AOAH: variants seen among roughly 807,000 people sequenced by gnomAD.
The protein encoded by AOAH is acyloxyacyl hydrolase (neutrophil).
A neutral mutation model predicts 92.2 loss-of-function variants in AOAH; 64 were observed. The ratio of observed to expected loss-of-function variants is 0.69; its 90% CI spans 0.57 to 0.86. The LOEUF is 0.86. Among genes scored for constraint, AOAH ranks in the 40% least tolerant of loss-of-function variants. AOAH has a pLI of 0.00. For synonymous variants in AOAH, 263 were observed against 254.5 expected (o/e 1.03, Z -0.32); for missense variants, 656 against 694.6 (o/e 0.94, Z 0.62).
intron 11 of AOAH, among the ~76,000 whole-genome samples, chr7:36,615,753 A>G (rs994385899): frequency 1.3e-5 from 2 of 152,250 alleles, no homozygotes; most frequent in Non-Finnish European, 2.9e-5. Flanking sequence ...GGTGTCATTC[A>G]TCTGAGTAAT....
intron 2 of AOAH, among the ~76,000 whole-genome samples, chr7:36,675,398 TA>T (rs1433255895): frequency 7.9e-5 from 12 of 152,170 alleles, no homozygotes; most frequent in Non-Finnish European, 1.5e-4. Context: ...GTAACTTAGA[TA>T]AAATAAAAAA....
chr7:36,554,318 G>A (rs1786516972), intron 13 of AOAH, among the ~76,000 whole-genome samples: 1 of 152,058 alleles, frequency 6.6e-6, no homozygotes. Context: ...ATTTCTGAAG[G>A]CTCTGTTCTG....
intron 2 of AOAH, among the ~76,000 whole-genome samples, chr7:36,676,780 A>G (rs149195436): frequency 1.5e-3 from 229 of 152,366 alleles, no homozygotes; most frequent in African/African-American, 5.4e-3. Context: ...AAATAGAATC[A>G]ATAGTTCAGA....
Position 36,558,684 on chromosome 7 carries a change from A to C in AOAH, c.1022-9209T>G, listed in dbSNP as rs374365377. ...CTAAGCAAGCCTGGGCAATGGCGGG[A>C]GCCCCTCCCCCAGCCTCGCTGCTGC... On this transcript the variant is annotated intron_variant, in intron 13 of 20. Transcript: ENST00000617537. Among the ~76,000 whole-genome samples the C allele has an allele frequency of 2.7e-3, 418 of 152,252 alleles. 1 individual carries two copies. Among genetic ancestry groups the C allele is most frequent in the African/African-American group, 8.4e-3 (348 of 41,562 alleles).
rs527478465 is a variant in AOAH at position 36,592,218 on chromosome 7, A to AT, written c.938+2120dup. Among the ~76,000 whole-genome samples the AT allele has an allele frequency of 9.2e-5, 14 of 152,164 alleles. No individual in the cohort carries two copies. The East Asian group carries it at 9.7e-4, about 10-fold the overall frequency. On this transcript the variant is annotated intron_variant, in intron 12 of 20. Transcript: ENST00000617537. ...GGGTGGAGGGCATTTAAACATATAT[A>AT]TTTTTTTATTTTCTGATGTTGAAAT...
intron 6 of AOAH, among the ~76,000 whole-genome samples, chr7:36,629,838 AGGGGTTGAATT>A (rs1375895911): frequency 6.6e-6 from 1 of 152,180 alleles, no homozygotes; most frequent in African/African-American, 2.4e-5. Context: ...TGTCTTTGTT[AGGGGTTGAATT>A]GTGTTCATGA....
chr7:36,570,276 G>C (rs181244252), intron 13 of AOAH, among the ~76,000 whole-genome samples: 31 of 152,276 alleles, frequency 2.0e-4, no homozygotes, highest in African/African-American at 7.0e-4. Context: ...TCGTCCTTCT[G>C]TGACTGGCTT....
chr7:36,613,251 T>C (rs1167223547), intron 11 of AOAH, among the ~76,000 whole-genome samples: 1 of 152,212 alleles, frequency 6.6e-6, no homozygotes, highest in Non-Finnish European at 1.5e-5. Context: ...TTCCGCTTTT[T>C]CCTGAAATTT....
chr7:36,580,544 A>T (rs1788857567), intron 12 of AOAH, among the ~76,000 whole-genome samples: 1 of 152,194 alleles, frequency 6.6e-6, no homozygotes, highest in African/African-American at 2.4e-5. Flanking sequence ...AAAAAGTTTT[A>T]TCCCCCTTAG....
chr7:36,658,363 T>G (rs538470782), intron 4 of AOAH, among the ~76,000 whole-genome samples: 12 of 152,280 alleles, frequency 7.9e-5, no homozygotes, highest in African/African-American at 2.9e-4. Flanking sequence ...CCAGAAAAAC[T>G]ACAATTCAAG....
chr7:36,636,627 A>G (rs1483620600), intron 5 of AOAH, among the ~76,000 whole-genome samples: 2 of 152,224 alleles, frequency 1.3e-5, no homozygotes, highest in Non-Finnish European at 2.9e-5. Flanking sequence ...ATGATTGTCA[A>G]TGCAGACATT....
chr7:36,627,663 T>A (rs1422946023), intron 6 of AOAH, among the ~76,000 whole-genome samples: 2 of 152,070 alleles, frequency 1.3e-5, no homozygotes, highest in Admixed American at 6.6e-5. Flanking sequence ...TCATCATGAT[T>A]TGGTTTCTAG....
intron 3 of AOAH, among the ~76,000 whole-genome samples, chr7:36,664,315 A>G (rs1795409606): frequency 6.6e-6 from 1 of 152,000 alleles, no homozygotes; most frequent in African/African-American, 2.4e-5. Context: ...CTGTGTCTGG[A>G]TTCATTTTTT....
At chr7:36,560,831 C>T (rs770665046) in intron 13 of AOAH, among the ~76,000 whole-genome samples, 6 of 152,146 alleles carry the variant, frequency 3.9e-5, no homozygotes, top group East Asian at 1.9e-4. Flanking sequence ...GGAAATGCTG[C>T]CTAGGAATTA....
In AOAH at chr7:36,718,022, A is replaced by C. The variant is rs115863415; in HGVS notation, c.127+6000T>G. The stretch of plus-strand genomic sequence containing the variant: ...ACACCATTATGAAAGTGGGGGAAGG[A>C]AACACAGAATGGGAGAAAATATTTG... On this transcript the variant is annotated intron_variant, in intron 1 of 20. Transcript: ENST00000617537. Among the ~76,000 whole-genome samples, 598 of 152,286 alleles carry C rather than the reference A, an allele frequency of 3.9e-3. 7 individuals are homozygous for C. The highest frequency in any genetic ancestry group is 0.014 in the African/African-American group (573 of 41,566).
At chr7:36,722,833 C>T (rs181228474) in intron 1 of AOAH, among the ~76,000 whole-genome samples, 635 of 145,836 alleles carry the variant, frequency 4.4e-3, no homozygotes, top group Middle Eastern at 0.014. Context: ...ACTCCGAAGG[C>T]TGAGGCAGGA....
intron 1 of AOAH, among the ~76,000 whole-genome samples, chr7:36,714,780 C>G (rs940046855): frequency 2.6e-5 from 4 of 152,202 alleles, no homozygotes; most frequent in Non-Finnish European, 5.9e-5. Flanking sequence ...TTCAACAACG[C>G]TTCATGCTAA....
intron 11 of AOAH, among the ~76,000 whole-genome samples, chr7:36,609,599 T>C (rs2893534): frequency 0.028 from 4,216 of 152,212 alleles, 206 homozygotes; most frequent in African/African-American, 0.096. Flanking sequence ...CTTCCTAGGT[T>C]GACTGGGACC....
chr7:36,701,433 G>T (rs1284817541), intron 1 of AOAH, among the ~76,000 whole-genome samples: 1 of 149,884 alleles, frequency 6.7e-6, no homozygotes, highest in Non-Finnish European at 1.5e-5. Context: ...TTCAGTATTT[G>T]GGGGCTTTTA....
Sources: allele counts gnomAD v4.1 joint callset (sites outside exome capture counted in the v4.1 genomes callset), GRCh38; gene constraint gnomAD v4.1.1; transcripts MANE v1.5; gene names NCBI Gene and HGNC (gene_info 2026-07-23, HGNC 2026-07-21).